VPS37D: variants seen among roughly 807,000 people sequenced by gnomAD.
VPS37D encodes VPS37D subunit of ESCRT-I.
Under a neutral mutation model 22.0 loss-of-function variants are expected in VPS37D, and 5 were observed. That is an observed-to-expected ratio of 0.23 (90% confidence interval 0.12 to 0.48). The LOEUF is 0.48. Ranked by LOEUF, VPS37D falls within the 20% of genes least tolerant of loss-of-function variation. VPS37D has a pLI of 0.99. For synonymous variants in VPS37D, 174 were observed against 159.3 expected, an observed-to-expected ratio of 1.09 and a Z score of -0.69; for missense variants, 384 against 345.8, an observed-to-expected ratio of 1.11 and a Z score of -0.88.
chr7:73,671,069 C>T lies in VPS37D; in HGVS notation c.449C>T (p.Ala150Val), dbSNP rs781802726. 6.2e-7 allele frequency: 1 copy of T among 1,612,038 alleles called. No individual in the cohort carries two copies. Among genetic ancestry groups the T allele is most frequent in the Admixed American group, 1.7e-5 (1 of 60,006 alleles). The change falls in exon 4 of 4, where the codon GCC becomes GTC. Residue 150 changes from alanine to valine, a missense_variant. Coordinates refer to ENST00000324941, the MANE Select transcript of VPS37D (RefSeq NM_001077621.2). ...CAAAGCCTGGAGGCCTTCCTGCCTGCCTTCCAGCGTGGCCGCGCCCTGGCC... is the reference window on the plus strand; with the variant it reads ...CAAAGCCTGGAGGCCTTCCTGCCTGTCTTCCAGCGTGGCCGCGCCCTGGCC... ...GEQSLEAFLP[A>V]FQRGRALAHL...
chr7:73,669,397 C>T (rs1554609227), intron 1 of VPS37D, 22 bp from the exon 2 acceptor site: 1 of 1,534,102 alleles, frequency 6.5e-7, no homozygotes, highest in Non-Finnish European at 8.8e-7. Context: ...GAGCGGGCCT[C>T]TTAGCTCCTC....
rs1168923538 is a variant in VPS37D, at chr7:73,671,511, T to C, written c.*135T>C. On this transcript the variant is annotated 3_prime_UTR_variant, in exon 4 of 4. Coordinates refer to ENST00000324941, the MANE Select transcript of VPS37D (RefSeq NM_001077621.2). ...TCAGGCAGGCCCTGGCCCTGGAGGC[T>C]GAGCTGGGGAGGAGGGTCCCCTGGA... The C allele has an allele frequency of 1.2e-5, 3 of 250,772 alleles. No individual in the cohort carries two copies. The highest frequency in any genetic ancestry group is 1.4e-5 in the Non-Finnish European group (2 of 137,934). The allele number at this position is 250,772 out of a possible 1,614,324, so 15.5% of individuals were successfully genotyped here.
At position 73,671,266 on chromosome 7, in the gene VPS37D, C is replaced by A. The variant is rs782167661; in HGVS notation, c.646C>A (p.Pro216Thr). 2.7e-6 allele frequency: 4 copies of A among 1,480,590 alleles called. No homozygotes were observed. Among genetic ancestry groups the A allele is most frequent in the East Asian group, 5.1e-5 (2 of 39,472 alleles). The allele number at this position is 1,480,590 out of a possible 1,614,324, so 91.7% of individuals were successfully genotyped here. A position where few individuals can be genotyped will look rare whatever the true frequency, so the allele number is the denominator to read the frequency against. ...ACCAGCAGTGCCCCGGAGCCTGCCC[C>A]CCTTGGACTCCCGCCCAGTGCCCCC... ...GPPAVPRSLPPLDSRPVPPLK... is the reference protein window; with the variant it reads ...GPPAVPRSLPTLDSRPVPPLK... Residue 216 changes from proline to threonine, a missense_variant, in exon 4 of 4, where the codon CCC becomes ACC. By Grantham distance (38) the Pro-to-Thr change is conservative. Transcript: ENST00000324941.
At position 73,671,361 on chromosome 7, in the gene VPS37D, GC is replaced by G. The variant is rs1563540888; in HGVS notation, c.748del (p.His250ThrfsTer75). On this transcript the variant is annotated frameshift_variant, in exon 4 of 4. Coordinates refer to ENST00000324941, the MANE Select transcript of VPS37D (RefSeq NM_001077621.2). LOFTEE classifies it high-confidence loss of function. ...LLSPRPSQPE[P>X]PHR ...TGAGCCCTCGGCCCTCGCAGCCAGA[GC>G]CCCCCCACCGGTAGGATCCACGGTG... The G allele has an allele frequency of 6.5e-6, 9 of 1,375,368 alleles. No individual in the cohort carries two copies. Among genetic ancestry groups the G allele is most frequent in the East Asian group, 3.0e-5 (1 of 33,276 alleles). The allele number at this position is 1,375,368 out of a possible 1,614,324, so 85.2% of individuals were successfully genotyped here. A position where few individuals can be genotyped will look rare whatever the true frequency, so the allele number is the denominator to read the frequency against.
intron 2 of VPS37D, 110 bp from the exon 3 acceptor site, chr7:73,669,910 T>G: frequency 6.6e-7 from 1 of 1,517,358 alleles, no homozygotes; most frequent in Non-Finnish European, 8.9e-7. Flanking sequence ...ATGAGGAAAC[T>G]GAGGCTCTAG....
Position 73,671,460 on chromosome 7 carries a change from G to GT in VPS37D, c.*84_*85insT, listed in dbSNP as rs1554609803. The GT allele has an allele frequency of 3.2e-6, 2 of 631,104 alleles. No homozygotes were observed. Among genetic ancestry groups the GT allele is most frequent in the Admixed American group, 8.3e-5 (2 of 23,974 alleles). 39.1% of individuals were successfully genotyped at this position (631,104 alleles called of 1,614,324 possible). ...CTCCTCCCCCACTGCCTGGGTGGGG[G>GT]GAGGGGCAGGCCCCTCCCCCTGGCC... On this transcript the variant is annotated 3_prime_UTR_variant, in exon 4 of 4. Coordinates refer to ENST00000324941, the MANE Select transcript of VPS37D (RefSeq NM_001077621.2).
In VPS37D at chr7:73,669,412, C is replaced by T; in HGVS notation, c.139-7C>T. On this transcript the variant is annotated splice_polypyrimidine_tract_variant and splice_region_variant and intron_variant, in intron 1 of 3. Transcript: ENST00000324941. ...GAGCGGGCCTCTTAGCTCCTCTCTGCCCGCAGTTCCAGGGCCTGCAGCTGG... is the reference window on the plus strand; with the variant it reads ...GAGCGGGCCTCTTAGCTCCTCTCTGTCCGCAGTTCCAGGGCCTGCAGCTGG... 2 of 1,542,480 alleles carry T rather than the reference C, an allele frequency of 1.3e-6. No homozygotes were observed. The highest frequency in any genetic ancestry group is 1.8e-6 in the Non-Finnish European group (2 of 1,141,096).
At chr7:73,668,219 G>C (rs1410031354) in intron 1 of VPS37D, 123 bp downstream of exon 1, 5 of 516,828 alleles carry the variant, frequency 9.7e-6, no homozygotes, top group Non-Finnish European at 1.0e-5. Context: ...AGCCTGGCAC[G>C]TACGAGTGGG....
In VPS37D at chr7:73,671,475, TC is replaced by T. The variant is rs2116633511; in HGVS notation, c.*104del. On this transcript the variant is annotated 3_prime_UTR_variant, in exon 4 of 4. Coordinates refer to ENST00000324941, the MANE Select transcript of VPS37D (RefSeq NM_001077621.2). ...CTGGGTGGGGGGAGGGGCAGGCCCC[TC>T]CCCCTGGCCTCAGGCAGGCCCTGGC... The T allele has an allele frequency of 4.1e-6, 1 of 244,138 alleles. No individual in the cohort carries two copies. The highest frequency in any genetic ancestry group is 6.8e-6 in the Non-Finnish European group (1 of 146,998). The allele number at this position is 244,138 out of a possible 1,614,324, so 15.1% of individuals were successfully genotyped here. A position where few individuals can be genotyped will look rare whatever the true frequency, so the allele number is the denominator to read the frequency against.
Position 73,668,030 on chromosome 7 carries a change from CG to C in VPS37D, c.75del (p.Gln26SerfsTer98). 8.6e-7 allele frequency: 1 copy of C among 1,157,950 alleles called. No homozygotes were observed. The highest frequency in any genetic ancestry group is 1.1e-6 in the Non-Finnish European group (1 of 930,246). 71.7% of individuals were successfully genotyped at this position (1,157,950 alleles called of 1,614,324 possible). A position where few individuals can be genotyped will look rare whatever the true frequency, so the allele number is the denominator to read the frequency against. ...CGGGGCGCTTTGGGATCCTCAGCAC[CG>C]GGCAGCTCCGGGACCTGCTTCAGGA... ...SPGRFGILST[G>X]QLRDLLQDEP... On this transcript the variant is annotated frameshift_variant, in exon 1 of 4. Coordinates refer to ENST00000324941, the MANE Select transcript of VPS37D (RefSeq NM_001077621.2). LOFTEE classifies it high-confidence loss of function.
At chr7:73,667,250 A>C (rs1241771583), upstream of VPS37D, among the ~76,000 whole-genome samples, 2 of 152,142 alleles carry the variant, frequency 1.3e-5, no homozygotes, top group Admixed American at 1.3e-4. Context: ...CTGGGATTAC[A>C]GGCGTGAGCC....
chr7:73,668,514 C>T (rs1554609061), intron 1 of VPS37D, among the ~76,000 whole-genome samples: 1 of 139,338 alleles, frequency 7.2e-6, no homozygotes. Flanking sequence ...ATTCTGGGGG[C>T]GCAAGAGGGG....
In VPS37D at chr7:73,669,430, G is replaced by A. The variant is rs1189094283; in HGVS notation, c.150G>A (p.Leu50=). The A allele has an allele frequency of 2.6e-6, 4 of 1,561,884 alleles. No homozygotes were observed. The Admixed American group carries it at 5.6e-5, about 22-fold the overall frequency. The change falls in exon 2 of 4, where the codon CTG becomes CTA. Residue 50 remains leucine, a synonymous_variant. Coordinates refer to ENST00000324941, the MANE Select transcript of VPS37D (RefSeq NM_001077621.2). ...IVRLSRKFQG[L]QLEREACLAS... ...CTCTCTGCCCGCAGTTCCAGGGCCT[G>A]CAGCTGGAGCGTGAGGCCTGCCTGG...
chr7:73,670,239 C>A, intron 3 of VPS37D, 137 bp downstream of exon 3: 1 of 1,384,174 alleles, frequency 7.2e-7, no homozygotes, highest in Non-Finnish European at 9.7e-7. Flanking sequence ...CATGCCAGAG[C>A]CTAGCATTGC....
At chr7:73,670,810 GAAA>G (rs11414202) in intron 3 of VPS37D, among the ~76,000 whole-genome samples, 3 of 142,604 alleles carry the variant, frequency 2.1e-5, no homozygotes, top group Non-Finnish European at 1.5e-5. Flanking sequence ...TCTGTCTCAG[GAAA>G]AAAAAAAAAA....
chr7:73,670,400 T>C (rs978128905), intron 3 of VPS37D, among the ~76,000 whole-genome samples: 4 of 152,192 alleles, frequency 2.6e-5, no homozygotes, highest in African/African-American at 4.8e-5. Context: ...CAGCGATCAG[T>C]GAGCTGAAGG....
upstream of VPS37D, among the ~76,000 whole-genome samples, chr7:73,666,973 CTT>C (rs71082248): frequency 9.2e-5 from 12 of 130,000 alleles, no homozygotes; most frequent in Admixed American, 3.3e-4. Context: ...TCTTTTCACT[CTT>C]TTTTTTTTTT....
chr7:73,667,222 C>A (rs1411674096), upstream of VPS37D, among the ~76,000 whole-genome samples: 3 of 152,104 alleles, frequency 2.0e-5, no homozygotes, highest in Non-Finnish European at 2.9e-5. Context: ...GATCCGCCCG[C>A]CTCGGCCTCC....
intron 1 of VPS37D, 112 bp from the exon 2 acceptor site, chr7:73,669,307 C>T: frequency 7.4e-7 from 1 of 1,357,250 alleles, no homozygotes; most frequent in Non-Finnish European, 9.8e-7. Flanking sequence ...GGGTGCCTGA[C>T]AGGTGCCTTT....
Sources: gnomAD v4.1 joint callset for allele counts (sites outside exome capture counted in the v4.1 genomes callset) on GRCh38, gnomAD v4.1.1 for gene constraint, MANE v1.5 for transcripts, NCBI Gene and HGNC (gene_info 2026-07-23, HGNC 2026-07-21) for gene names.